Variants in RAP1GAP2 observed in about 807,000 individuals in gnomAD.
RAP1GAP2 encodes rap1 GTPase-activating protein 2.
A neutral mutation model predicts 95.0 loss-of-function variants in RAP1GAP2; 27 were observed. The observed-to-expected ratio is 0.28, with a 90% CI of 0.21 to 0.39. RAP1GAP2 has a LOEUF of 0.39. Among genes scored for constraint, RAP1GAP2 ranks in the 10% least tolerant of loss-of-function variants. RAP1GAP2 has a pLI of 1.00. For synonymous variants in RAP1GAP2, 373 were observed against 380.9 expected (o/e 0.98, Z 0.24); for missense variants, 771 against 970.0 (o/e 0.79, Z 2.72).
intron 3 of RAP1GAP2, among the ~76,000 whole-genome samples, chr17:2,927,340 A>G (rs536719290): frequency 6.6e-6 from 1 of 150,906 alleles, no homozygotes. Context: ...TTTTTAGTAG[A>G]GACGGGGTTT....
At chr17:3,007,619 G>A (rs1037660094) in intron 16 of RAP1GAP2, among the ~76,000 whole-genome samples, 4 of 152,152 alleles carry the variant, frequency 2.6e-5, no homozygotes, top group Admixed American at 6.5e-5. Flanking sequence ...TGTGAATAGC[G>A]GCCCCTGGCA....
At position 2,962,724 on chromosome 17, in the gene RAP1GAP2, G is replaced by T; in HGVS notation, c.246+10G>T. The T allele has an allele frequency of 6.3e-7, 1 of 1,592,748 alleles. No individual in the cohort carries two copies. Among genetic ancestry groups the T allele is most frequent in the Non-Finnish European group, 8.5e-7 (1 of 1,172,086 alleles). ...ACCCCAGAAGAACAAGGTGGGCTGG[G>T]TGGGTGAGGGGGTGGCCAGACGGCC... On this transcript the variant is annotated intron_variant, in intron 5 of 24. Coordinates refer to ENST00000254695, the MANE Select transcript of RAP1GAP2 (RefSeq NM_015085.5).
rs1265549143 is a variant in RAP1GAP2 at position 2,763,057 on chromosome 17, A to G, written c.51-7272A>G. On this transcript the variant is annotated intron_variant, in intron 1 of 25. Transcript: ENST00000637138. ...GTTACTCTCCTTCAGTGTAGTGTTC[A>G]GCGGGATTTCAGATACACGGCAAGG... Among the ~76,000 whole-genome samples, 4 of 152,276 alleles carry G rather than the reference A, an allele frequency of 2.6e-5. No homozygotes were observed. In the East Asian group the frequency reaches 7.7e-4, roughly 29 times the overall value.
At chr17:2,768,692 C>CA (rs59118427) in intron 1 of RAP1GAP2, among the ~76,000 whole-genome samples, 79,844 of 111,162 alleles carry the variant, frequency 0.72, 27,844 homozygotes, top group Non-Finnish European at 0.77. Context: ...AACTCTGTCT[C>CA]AAAAAAAAAA....
chr17:3,001,453 TCCAAGCACCAGG>T (rs2046154535), intron 14 of RAP1GAP2, among the ~76,000 whole-genome samples: 1 of 107,396 alleles, frequency 9.3e-6, no homozygotes, highest in African/African-American at 3.8e-5. Flanking sequence ...GGAGTGCAGG[TCCAAGCACCAGG>T]CTGAAGTGAG....
Position 3,034,024 on chromosome 17 carries a change from G to A in RAP1GAP2, c.*663G>A, listed in dbSNP as rs116463580. On this transcript the variant is annotated 3_prime_UTR_variant, in exon 25 of 25. Coordinates refer to ENST00000254695, the MANE Select transcript of RAP1GAP2 (RefSeq NM_015085.5). This position sits in a 1 kb window ranked among gnomAD's most constrained non-coding sequence, Gnocchi z 5.1. ...GCCCTGCCCCTGCTGCCAGTGTACCGTGAGCGGGGCTCCAGCCAGTTCAAG... is the reference window on the plus strand; with the variant it reads ...GCCCTGCCCCTGCTGCCAGTGTACCATGAGCGGGGCTCCAGCCAGTTCAAG... 0.036 allele frequency: 5,483 copies of A among 153,018 alleles called. 340 individuals carry two copies. The highest frequency in any genetic ancestry group is 0.12 in the African/African-American group (5,173 of 41,566). 9.5% of individuals were successfully genotyped at this position (153,018 alleles called of 1,614,324 possible).
chr17:2,980,503 G>A, intron 9 of RAP1GAP2, 138 bp downstream of exon 9: 3 of 808,478 alleles, frequency 3.7e-6, no homozygotes, highest in South Asian at 1.5e-5. Flanking sequence ...GCCATTGACT[G>A]CACTGATAGG....
intron 3 of RAP1GAP2, among the ~76,000 whole-genome samples, chr17:2,920,322 A>T (rs2042717372): frequency 6.6e-6 from 1 of 152,090 alleles, no homozygotes; most frequent in Non-Finnish European, 1.5e-5. Flanking sequence ...CAGAAGACTG[A>T]TAGAGCACTT....
intron 1 of RAP1GAP2, among the ~76,000 whole-genome samples, chr17:2,783,856 G>A (rs1353767654): frequency 6.6e-6 from 1 of 152,210 alleles, no homozygotes; most frequent in Non-Finnish European, 1.5e-5. Context: ...TCTGCACATG[G>A]GCCTCTCTAT....
rs776881618 is a variant in RAP1GAP2, at chr17:3,037,364, A to AG, written c.*4003_*4004insG. The AG allele has an allele frequency of 1.3e-4, 4 of 29,686 alleles. No homozygotes were observed. Among genetic ancestry groups the AG allele is most frequent in the African/African-American group, 2.1e-4 (3 of 14,456 alleles). 1.8% of individuals were successfully genotyped at this position (29,686 alleles called of 1,614,324 possible). On this transcript the variant is annotated 3_prime_UTR_variant, in exon 25 of 25. Transcript: ENST00000254695. ...ACATTTCTGCTTGGAAGTGTGAACT[A>AG]CCCCCCCCCCCCCGCTTCCTGCTCC...
At chr17:2,995,971 A>G (rs1007127895) in intron 13 of RAP1GAP2, among the ~76,000 whole-genome samples, 2 of 151,968 alleles carry the variant, frequency 1.3e-5, no homozygotes, top group Admixed American at 6.5e-5. Context: ...AACACCACCC[A>G]TGGTAGAGGG....
chr17:2,837,185 A>G (rs986835968), intron 2 of RAP1GAP2, among the ~76,000 whole-genome samples: 1 of 150,432 alleles, frequency 6.6e-6, no homozygotes, highest in Non-Finnish European at 1.5e-5. Flanking sequence ...CAGGAGGTTG[A>G]GGCTGCAGTA....
rs548407530 is a variant in RAP1GAP2 at position 3,029,448 on chromosome 17, G to C, written c.2108-1474G>C. On this transcript the variant is annotated intron_variant, in intron 22 of 24. Transcript: ENST00000254695. This position sits in a 1 kb window ranked among gnomAD's most constrained non-coding sequence, Gnocchi z 4.4. ...TACCCACTGGATCAGGGTGGGCTTG[G>C]GGGGATCTGGGAACCGGTTTCATGC... Among the ~76,000 whole-genome samples the C allele has an allele frequency of 2.0e-5, 3 of 152,156 alleles. No homozygotes were observed. The highest frequency in any genetic ancestry group is 7.2e-5 in the African/African-American group (3 of 41,434).
At chr17:2,779,894 G>A (rs1015598704) in intron 1 of RAP1GAP2, among the ~76,000 whole-genome samples, 1 of 151,940 alleles carries the variant, frequency 6.6e-6, no homozygotes, top group Admixed American at 6.6e-5. Flanking sequence ...CAGCCTTGGC[G>A]TATGGGGATT....
chr17:3,012,295 T>C (rs12943009), intron 17 of RAP1GAP2, among the ~76,000 whole-genome samples: 139,635 of 151,836 alleles, frequency 0.92, 64,403 homozygotes, highest in African/African-American at 0.97. Context: ...TTCACTTAGA[T>C]CTAAAAAAAA....
intron 17 of RAP1GAP2, among the ~76,000 whole-genome samples, chr17:3,011,723 G>A (rs1312908851): frequency 6.7e-6 from 1 of 149,614 alleles, no homozygotes; most frequent in Non-Finnish European, 1.5e-5. Flanking sequence ...GGGCTCAAGC[G>A]ATTCTCCTGC....
At chr17:2,970,626 C>A (rs1316274578) in intron 8 of RAP1GAP2, among the ~76,000 whole-genome samples, 1 of 152,176 alleles carries the variant, frequency 6.6e-6, no homozygotes, top group African/African-American at 2.4e-5. Context: ...AATTTATAAT[C>A]TTAATATGAA....
At chr17:2,873,033 G>T (rs552179220) in intron 2 of RAP1GAP2, among the ~76,000 whole-genome samples, 6 of 151,782 alleles carry the variant, frequency 4.0e-5, no homozygotes. Flanking sequence ...AACCCGAGGG[G>T]CGGAGGTTGC....
rs909231479 is a variant in RAP1GAP2, at chr17:2,927,418, G to T, written c.165+22050G>T. 3.3e-5 allele frequency among the ~76,000 whole-genome samples: 5 copies of T among 152,332 alleles called. No individual in the cohort carries two copies. In the South Asian group the frequency reaches 8.3e-4, roughly 25 times the overall value. On this transcript the variant is annotated intron_variant, in intron 3 of 24. Transcript: ENST00000254695. ...TCCGCCCGCCTTGGCCTCCCAAAGT[G>T]CTGGGATTACAGGCGTGAGCCACCG...
Sources: gnomAD v4.1 joint callset for allele counts (sites outside exome capture counted in the v4.1 genomes callset) on GRCh38, gnomAD v4.1.1 for gene constraint, Gnocchi (gnomAD v3.1) non-coding constraint, MANE v1.5 for transcripts, NCBI Gene and HGNC (gene_info 2026-07-23, HGNC 2026-07-21) for gene names.